GALNS: variants seen among roughly 807,000 people sequenced by gnomAD.
GALNS encodes the protein N-acetylgalactosamine-6-sulfatase.
A neutral mutation model predicts 65.9 loss-of-function variants in GALNS; 65 were observed. The ratio of observed to expected loss-of-function variants is 0.99; its 90% confidence interval spans 0.81 to 1.21. GALNS has a LOEUF of 1.21. Ranked by LOEUF, GALNS falls within the 50% of genes most tolerant of loss-of-function variation. The pLI, the probability that GALNS is intolerant of heterozygous loss-of-function variation, is 0.00. For synonymous variants in GALNS, 346 were observed against 288.9 expected (o/e 1.20, Z -2.00); for missense variants, 776 against 700.7 (o/e 1.11, Z -1.21).
At position 88,848,990 on chromosome 16, in the gene GALNS, G is replaced by A. The variant is rs111889131; in HGVS notation, c.121-6161C>T. Among the ~76,000 whole-genome samples, 560 of 152,328 alleles carry A rather than the reference G, an allele frequency of 3.7e-3. 2 individuals are homozygous for A. Among genetic ancestry groups the A allele is most frequent in the African/African-American group, 0.013 (521 of 41,592 alleles). ...CAGCTTGGCAGGGTGGCCGCTCCTT[G>A]CCTCAGCCCCTCCTAACGTGTGGAG... On this transcript the variant is annotated intron_variant, in intron 1 of 13. Transcript: ENST00000268695.
chr16:88,825,829 G>A (rs1661319021), intron 10 of GALNS, among the ~76,000 whole-genome samples: 1 of 152,146 alleles, frequency 6.6e-6, no homozygotes, highest in African/African-American at 2.4e-5. Context: ...GTCTCGAGAG[G>A]GGACAAGTGA....
chr16:88,824,650 G>T (rs561834573), intron 11 of GALNS, 117 bp downstream of exon 11: 5 of 804,116 alleles, frequency 6.2e-6, no homozygotes, highest in East Asian at 5.1e-5. Context: ...GGCTGTGGAG[G>T]GGGTGGAGTT....
rs1160527247 is a variant in GALNS at position 88,855,225 on chromosome 16, A to C, written c.120+1533T>G. 4.3e-6 allele frequency: 3 copies of C among 698,112 alleles called. No homozygotes were observed. In the East Asian group the frequency reaches 8.1e-5, roughly 19 times the overall value. The allele number at this position is 698,112 out of a possible 1,614,324, so 43.2% of individuals were successfully genotyped here. A position where few individuals can be genotyped will look rare whatever the true frequency, so the allele number is the denominator to read the frequency against. ...AATTATTCATGAGCTGCCCCGCCTCACCCCTCTGTCCTCTGAGAAAGTCAG... is the reference window on the plus strand; with the variant it reads ...AATTATTCATGAGCTGCCCCGCCTCCCCCCTCTGTCCTCTGAGAAAGTCAG... On this transcript the variant is annotated intron_variant, in intron 1 of 13. Coordinates refer to ENST00000268695, the MANE Select transcript of GALNS (RefSeq NM_000512.5).
At chr16:88,824,492 G>A (rs990660311) in intron 11 of GALNS, among the ~76,000 whole-genome samples, 1 of 152,304 alleles carries the variant, frequency 6.6e-6, no homozygotes. Context: ...GCCCATGGGG[G>A]CCACCTGACC....
At chr16:88,833,848 C>T (rs1253073765) in intron 8 of GALNS, among the ~76,000 whole-genome samples, 1 of 152,132 alleles carries the variant, frequency 6.6e-6, no homozygotes, top group African/African-American at 2.4e-5. Context: ...GTACATATAC[C>T]ATTTGTTGGT....
intron 10 of GALNS, among the ~76,000 whole-genome samples, chr16:88,825,488 C>T (rs9940006): frequency 5.3e-4 from 55 of 104,378 alleles, no homozygotes; most frequent in Admixed American, 7.5e-4. Flanking sequence ...TCTGGGCGGC[C>T]GGGGCTGGGG....
Position 88,856,897 on chromosome 16 carries a change from G to A in GALNS, c.-20C>T, listed in dbSNP as rs1274449066. The A allele has an allele frequency of 2.0e-6, 3 of 1,502,256 alleles. No individual in the cohort carries two copies. The highest frequency in any genetic ancestry group is 2.6e-6 in the Non-Finnish European group (3 of 1,134,096). The allele number at this position is 1,502,256 out of a possible 1,614,324, so 93.1% of individuals were successfully genotyped here. ...CGCCATGGCAACCACGGGAGCCGCGGAGCCCCGGCCAGCGAGCCGACCTAG... is the reference window on the plus strand; with the variant it reads ...CGCCATGGCAACCACGGGAGCCGCGAAGCCCCGGCCAGCGAGCCGACCTAG... On this transcript the variant is annotated 5_prime_UTR_variant, in exon 1 of 14. Coordinates refer to ENST00000268695, the MANE Select transcript of GALNS (RefSeq NM_000512.5).
chr16:88,843,202 A>G (rs1434797479), intron 1 of GALNS: 1 of 1,332,152 alleles, frequency 7.5e-7, no homozygotes, highest in African/African-American at 1.5e-5. Context: ...ACGTGCATCT[A>G]TTTTCAACAT....
rs553662830 is a variant in GALNS, at chr16:88,836,068, G to A, written c.633+133C>T. On this transcript the variant is annotated intron_variant, in intron 6 of 13. Coordinates refer to ENST00000268695, the MANE Select transcript of GALNS (RefSeq NM_000512.5). ...ACGCGTCCCACGGGGCGAGGGTGAT[G>A]AGGTCCCTGAACCCATGCCTCCCAC... 6.6e-5 allele frequency: 71 copies of A among 1,080,958 alleles called. 1 individual carries two copies. In the East Asian group the frequency reaches 1.7e-3, roughly 26 times the overall value. 67.0% of individuals were successfully genotyped at this position (1,080,958 alleles called of 1,614,324 possible).
intron 9 of GALNS, among the ~76,000 whole-genome samples, chr16:88,830,770 C>T (rs1911418139): frequency 6.7e-6 from 1 of 150,116 alleles, no homozygotes; most frequent in African/African-American, 2.5e-5. Flanking sequence ...GGACCCAGGC[C>T]ACCACCGAGG....
At chr16:88,837,555 G>T in intron 5 of GALNS, 67 bp downstream of exon 5, 1 of 1,521,612 alleles carries the variant, frequency 6.6e-7, no homozygotes, top group Non-Finnish European at 9.1e-7. Flanking sequence ...AGTGCTAGAG[G>T]CGGGGGGCAG....
intron 5 of GALNS, 74 bp from the exon 6 acceptor site, chr16:88,836,341 C>T (rs760099773): frequency 8.3e-7 from 1 of 1,208,008 alleles, no homozygotes; most frequent in Non-Finnish European, 1.2e-6. Context: ...ATTTCACCAG[C>T]AAAGCCATGG....
At position 88,817,813 on chromosome 16, in the gene GALNS, C is replaced by T. The variant is rs78569850; in HGVS notation, c.1482+194G>A. Among the ~76,000 whole-genome samples the T allele has an allele frequency of 1.8e-3, 277 of 152,324 alleles. 2 individuals are homozygous for T. The highest frequency in any genetic ancestry group is 0.017 in the Middle Eastern group (5 of 294). ...GCCCTGGTGCAGCGTTGTTCTGGTC[C>T]CCGAGTCGCTTGGCTCCTGCCTCCC... On this transcript the variant is annotated intron_variant, in intron 13 of 13. Coordinates refer to ENST00000268695, the MANE Select transcript of GALNS (RefSeq NM_000512.5).
chr16:88,826,986 G>T, intron 9 of GALNS, 148 bp from the exon 10 acceptor site: 1 of 951,892 alleles, frequency 1.1e-6, no homozygotes, highest in Non-Finnish European at 1.6e-6. Context: ...GGGACTGAGC[G>T]GGGTCACAAG....
At chr16:88,815,733 G>T in intron 13 of GALNS, 1 of 985,460 alleles carries the variant, frequency 1.0e-6, no homozygotes, top group Middle Eastern at 5.2e-4. Context: ...GCCCTAGGCG[G>T]CAGCAGGGAT....
chr16:88,816,308 C>T (rs1909617800), intron 13 of GALNS: 2 of 985,416 alleles, frequency 2.0e-6, no homozygotes, highest in Non-Finnish European at 1.2e-6. Context: ...AAGGACCCAG[C>T]AGCACGGAGT....
Position 88,856,796 on chromosome 16 carries a change from G to A in GALNS, c.82C>T (p.Pro28Ser), listed in dbSNP as rs1260680833. 5.8e-6 allele frequency: 9 copies of A among 1,541,626 alleles called. No individual in the cohort carries two copies. The highest frequency in any genetic ancestry group is 7.8e-6 in the Non-Finnish European group (9 of 1,154,880). Residue 28 changes from proline (P) to serine (S), a missense_variant, in exon 1 of 14, where the codon CCG becomes TCG. Pro to Ser is a moderately conservative substitution (Grantham distance 74, BLOSUM62 -1). Transcript: ENST00000268695. ...AGGAGCAGGATGTTGGGGGGCTGCG[G>A]GGCGCCCGAGGCCCCCATCCCCGCG... Reference protein sequence around the residue: ...SAAGMGASGAPQPPNILLLLM... With the variant: ...SAAGMGASGASQPPNILLLLM...
At chr16:88,829,431 G>A (rs969317904) in intron 9 of GALNS, among the ~76,000 whole-genome samples, 7 of 152,250 alleles carry the variant, frequency 4.6e-5, no homozygotes, top group Admixed American at 2.6e-4. Context: ...CCCTTCACAC[G>A]GAGCCGCAGC....
chr16:88,832,218 T>A, intron 8 of GALNS, 117 bp from the exon 9 acceptor site: 1 of 940,190 alleles, frequency 1.1e-6, no homozygotes, highest in African/African-American at 1.6e-5. Flanking sequence ...GCCAAGGCAC[T>A]CTGGCTGGAG....
Sources: allele counts gnomAD v4.1 joint callset (sites outside exome capture counted in the v4.1 genomes callset), GRCh38; gene constraint gnomAD v4.1.1; transcripts MANE v1.5; gene names NCBI Gene and HGNC (gene_info 2026-07-23, HGNC 2026-07-21).